The following SCML2 variants were observed in gnomAD, a reference collection of about 807,000 sequenced individuals.
SCML2 encodes Scm polycomb group protein like 2.
A neutral mutation model predicts 48.4 loss-of-function variants in SCML2; 6 were observed. That is an observed-to-expected ratio of 0.12 (90% CI 0.07 to 0.24). SCML2 has a LOEUF of 0.24. SCML2 is among the 10% of genes least tolerant of loss of function. The probability of loss-of-function intolerance (pLI) is 1.00; values close to 1 mark genes in which losing one functional copy is unlikely to be tolerated. For missense variants in SCML2, 377 were observed against 528.2 expected (o/e 0.71, Z 2.81); for synonymous variants, 181 against 189.5 (o/e 0.95, Z 0.37).
intron 5 of SCML2, among the ~76,000 whole-genome samples, chrX:18,320,662 G>C (rs1400493541): frequency 1.8e-5 from 2 of 111,187 alleles, no homozygotes; most frequent in Non-Finnish European, 3.8e-5. Flanking sequence ...GAAGTCACTA[G>C]CTAGAATTCA....
At chrX:18,327,923 AAT>A (rs1929536741) in intron 3 of SCML2, among the ~76,000 whole-genome samples, 1 of 111,734 alleles carries the variant, frequency 8.9e-6, no homozygotes, top group Non-Finnish European at 1.9e-5. Flanking sequence ...CAGAAGCCAA[AAT>A]AGTCAGAAAG....
At chrX:18,321,858 TA>T (rs1238395998) in intron 5 of SCML2, among the ~76,000 whole-genome samples, 1 of 111,367 alleles carries the variant, frequency 9.0e-6, no homozygotes, top group African/African-American at 3.3e-5. Context: ...AAGGTACATA[TA>T]AAAACTTTAA....
intron 6 of SCML2, among the ~76,000 whole-genome samples, chrX:18,311,075 A>G (rs1017943720): frequency 8.9e-6 from 1 of 112,107 alleles, no homozygotes; most frequent in African/African-American, 3.2e-5. Context: ...GCTCCATAAG[A>G]GCATATTTTA....
rs913182979 is a variant in SCML2, at chrX:18,320,528, T to G, written c.398-108A>C. The G allele has an allele frequency of 3.0e-5, 13 of 438,385 alleles. No homozygotes were observed. The East Asian group carries it at 4.9e-4, about 17-fold the overall frequency. 36.1% of individuals were successfully genotyped at this position (438,385 alleles called of 1,213,427 possible). A position where few individuals can be genotyped will look rare whatever the true frequency, so the allele number is the denominator to read the frequency against. Reference sequence around the variant, plus strand: ...TCACCATTCTTCTCGAGAGAATGACTTTCTTATCTAAGAACTTTGAACATG... The same window carrying G: ...TCACCATTCTTCTCGAGAGAATGACGTTCTTATCTAAGAACTTTGAACATG... On this transcript the variant is annotated intron_variant, in intron 5 of 14. Transcript: ENST00000251900.
rs769311159 is a variant in SCML2 at position 18,242,532 on chromosome X, G to GCTTC, written c.1880_1881insGAAG (p.Asp627GlufsTer10). ...CTTCATCCACAGACCAGGTTGAAGG[G>GCTTC]TCCTTAGAGAAGCCTTGTTTCAGGA... On this transcript the variant is annotated frameshift_variant, in exon 14 of 15. Coordinates refer to ENST00000251900, the MANE Select transcript of SCML2 (RefSeq NM_006089.3). LOFTEE classifies it high-confidence loss of function. 1 of 1,208,392 alleles carries GCTTC rather than the reference G, an allele frequency of 8.3e-7. No individual in the cohort carries two copies. The highest frequency in any genetic ancestry group is 1.1e-6 in the Non-Finnish European group (1 of 893,960).
intron 7 of SCML2, among the ~76,000 whole-genome samples, chrX:18,280,814 A>AAT (rs1390618762): frequency 4.5e-5 from 5 of 112,250 alleles, no homozygotes; most frequent in Non-Finnish European, 1.9e-5. Context: ...AACTATGCTA[A>AAT]ATATATATGC....
intron 7 of SCML2, among the ~76,000 whole-genome samples, chrX:18,280,868 G>C (rs1006475088): frequency 3.6e-5 from 4 of 110,399 alleles, no homozygotes; most frequent in South Asian, 3.9e-4. Flanking sequence ...AGTTCTTCCT[G>C]GCCTAAGAAA....
intron 11 of SCML2, among the ~76,000 whole-genome samples, chrX:18,255,758 C>G (rs1423084447): frequency 8.9e-6 from 1 of 112,616 alleles, no homozygotes; most frequent in South Asian, 3.6e-4. Context: ...GACGTGGTAC[C>G]CACGCTTCAC....
chrX:18,321,423 C>T (rs1929315497), intron 5 of SCML2, among the ~76,000 whole-genome samples: 1 of 109,900 alleles, frequency 9.1e-6, no homozygotes, highest in Non-Finnish European at 1.9e-5. Flanking sequence ...TTGGTATGCG[C>T]CCCTGATGCA....
At chrX:18,300,832 C>G (rs1928564358) in intron 7 of SCML2, among the ~76,000 whole-genome samples, 1 of 110,270 alleles carries the variant, frequency 9.1e-6, no homozygotes, top group Non-Finnish European at 1.9e-5. Flanking sequence ...GTTGGTTTCC[C>G]CAGCAAAAGG....
chrX:18,310,825 G>A (rs1461331175), intron 6 of SCML2, among the ~76,000 whole-genome samples: 5 of 110,351 alleles, frequency 4.5e-5, no homozygotes, highest in African/African-American at 6.6e-5. Context: ...CACAAAATCC[G>A]AAACCAGTCT....
chrX:18,257,057 G>A, intron 10 of SCML2, 27 bp from the exon 11 acceptor site: 1 of 1,061,479 alleles, frequency 9.4e-7, no homozygotes, highest in African/African-American at 1.9e-5. Flanking sequence ...AAGGATGTCA[G>A]TAACCTCAGA....
chrX:18,260,046 A>C, intron 9 of SCML2, 125 bp downstream of exon 9: 1 of 456,096 alleles, frequency 2.2e-6, no homozygotes, highest in East Asian at 4.5e-5. Flanking sequence ...GAAAAATGCA[A>C]AGATAAATGT....
intron 7 of SCML2, among the ~76,000 whole-genome samples, chrX:18,283,991 C>A (rs778673412): frequency 8.9e-6 from 1 of 111,827 alleles, no homozygotes; most frequent in South Asian, 3.7e-4. Flanking sequence ...CAATCCTACA[C>A]AAAAAAGAAC....
chrX:18,305,274 G>A, intron 6 of SCML2, 59 bp from the exon 7 acceptor site: 2 of 1,085,433 alleles, frequency 1.8e-6, no homozygotes, highest in South Asian at 4.7e-5. Flanking sequence ...AGACTCATGT[G>A]CTCGAAGTGA....
At chrX:18,273,160 G>T (rs1436634308) in intron 7 of SCML2, among the ~76,000 whole-genome samples, 1 of 111,052 alleles carries the variant, frequency 9.0e-6, no homozygotes, top group African/African-American at 3.3e-5. Flanking sequence ...CACTTTTCCA[G>T]TAGTGTTCCT....
intron 9 of SCML2, among the ~76,000 whole-genome samples, chrX:18,259,380 T>C (rs952498635): frequency 6.2e-5 from 7 of 112,052 alleles, no homozygotes; most frequent in African/African-American, 2.3e-4. Context: ...TGCAAAACTT[T>C]CACACACACA....
At chrX:18,314,734 C>T (rs2147532215) in intron 6 of SCML2, among the ~76,000 whole-genome samples, 1 of 111,664 alleles carries the variant, frequency 9.0e-6, no homozygotes, top group East Asian at 2.8e-4. Context: ...GGAAGAGAGA[C>T]AGTAAAAATA....
Position 18,316,871 on chromosome X carries a change from T to C in SCML2, c.486+3461A>G, listed in dbSNP as rs184409842. ...GAACTGCACATGCGAGGAATCTACA[T>C]TGCACACTCCTTAGGAGAATCTAAT... On this transcript the variant is annotated intron_variant, in intron 6 of 14. Transcript: ENST00000251900. Among the ~76,000 whole-genome samples, 11 of 112,456 alleles carry C rather than the reference T, an allele frequency of 9.8e-5. No homozygotes were observed. In the South Asian group the frequency reaches 3.0e-3, roughly 30 times the overall value.
Sources: gnomAD v4.1 joint callset for allele counts (sites outside exome capture counted in the v4.1 genomes callset) on GRCh38, gnomAD v4.1.1 for gene constraint, MANE v1.5 for transcripts, NCBI Gene and HGNC (gene_info 2026-07-23, HGNC 2026-07-21) for gene names.